Variants in NAV3 observed in about 807,000 individuals in gnomAD.
The protein encoded by NAV3 is pore membrane and/or filament interacting like protein 1.
NAV3 carries 87 observed loss-of-function variants against 244.7 expected under a neutral mutation model. The ratio of observed to expected loss-of-function variants is 0.36; its 90% CI spans 0.30 to 0.42. The LOEUF (loss-of-function observed/expected upper bound fraction) is 0.42. Ranked by LOEUF, NAV3 falls within the 20% of genes least tolerant of loss-of-function variation. The probability of loss-of-function intolerance (pLI) is 1.00; values close to 1 mark genes in which losing one functional copy is unlikely to be tolerated. For synonymous variants in NAV3, 1,126 were observed against 1,042.2 expected (o/e 1.08, Z -1.55); for missense variants, 2,663 against 2,893.3 (o/e 0.92, Z 1.83).
chr12:77,950,904 T>C (rs1890809406), intron 3 of NAV3: 1 of 152,116 alleles, frequency 6.6e-6, no homozygotes, highest in African/African-American at 2.4e-5. Context: ...TTACACCTTA[T>C]ACAAAAATTA....
chr12:77,810,166 T>C (rs1016821442), intron 2 of NAV3, among the ~76,000 whole-genome samples: 14 of 152,218 alleles, frequency 9.2e-5, no homozygotes, highest in African/African-American at 3.4e-4. Flanking sequence ...ATATGTTTGT[T>C]TGTTTGTGTG....
chr12:77,713,994 T>C (rs7342396), intron 2 of NAV3, among the ~76,000 whole-genome samples: 4,119 of 152,258 alleles, frequency 0.027, 182 homozygotes, highest in African/African-American at 0.093. Flanking sequence ...ACATTGAAGA[T>C]ACATTTTCTG....
chr12:78,068,480 T>C (rs1234502298), intron 12 of NAV3, among the ~76,000 whole-genome samples: 1 of 150,646 alleles, frequency 6.6e-6, no homozygotes, highest in African/African-American at 2.4e-5. Context: ...CCATTGCAGA[T>C]TGTCAATAGA....
intron 2 of NAV3, among the ~76,000 whole-genome samples, chr12:77,681,882 A>G (rs961188424): frequency 6.6e-6 from 1 of 152,242 alleles, no homozygotes; most frequent in African/African-American, 2.4e-5. Context: ...TAAAAATGGT[A>G]TACATTTATG....
At position 77,671,999 on chromosome 12, in the gene NAV3, C is replaced by A. The variant is rs139413720; in HGVS notation, c.72+99733C>A. 1.3e-3 allele frequency among the ~76,000 whole-genome samples: 199 copies of A among 152,322 alleles called. 2 individuals carry two copies. The highest frequency in any genetic ancestry group is 4.4e-3 in the African/African-American group (184 of 41,580). ...CAGAGTGGGAGAAAATCTTCACAAT[C>A]TATGCCTCCGACAAAAGACCAATAT... On this transcript the variant is annotated intron_variant, in intron 2 of 8. Coordinates refer to the NAV3 transcript ENST00000550042.
At chr12:77,874,470 C>G (rs556321114) in intron 1 of NAV3, among the ~76,000 whole-genome samples, 4 of 152,086 alleles carry the variant, frequency 2.6e-5, no homozygotes, top group Non-Finnish European at 4.4e-5. Flanking sequence ...CTCAGCCTCT[C>G]AAAGTACTGG....
intron 20 of NAV3, among the ~76,000 whole-genome samples, 170 bp from the exon 21 acceptor site, chr12:78,146,199 C>G (rs75483070): frequency 3.4e-3 from 511 of 152,050 alleles, no homozygotes; most frequent in Non-Finnish European, 4.6e-3. Context: ...ATATAAAATT[C>G]TAAAGTAACT....
intron 2 of NAV3, among the ~76,000 whole-genome samples, chr12:77,679,784 G>T (rs781464608): frequency 3.3e-5 from 5 of 152,138 alleles, no homozygotes; most frequent in Non-Finnish European, 7.3e-5. Flanking sequence ...AAGCAAGAGC[G>T]ATCAACAGTG....
In NAV3 at chr12:78,160,289, C is replaced by T. The variant is rs1372606438; in HGVS notation, c.4869+1003C>T. On this transcript the variant is annotated intron_variant, in intron 23 of 39. Transcript: ENST00000397909. ...GCCTGGTCACCTTTCCTGTGATGAC[C>T]AGTTAGCTTACTTCTCTGCTGTTAG... 2.0e-5 allele frequency among the ~76,000 whole-genome samples: 3 copies of T among 151,828 alleles called. No individual in the cohort carries two copies. In the East Asian group the frequency reaches 5.8e-4, roughly 29 times the overall value.
chr12:78,153,902 A>G (rs1957172374), intron 22 of NAV3, among the ~76,000 whole-genome samples: 1 of 151,638 alleles, frequency 6.6e-6, no homozygotes, highest in Non-Finnish European at 1.5e-5. Flanking sequence ...TGTTTGGACA[A>G]TTTTTTGTAG....
intron 2 of NAV3, among the ~76,000 whole-genome samples, chr12:77,644,533 A>G (rs1034832013): frequency 1.3e-5 from 2 of 152,026 alleles, no homozygotes; most frequent in Admixed American, 1.3e-4. Flanking sequence ...AAAAATATAT[A>G]TGTACATACA....
At chr12:77,664,761 A>T (rs1873639782) in intron 2 of NAV3, among the ~76,000 whole-genome samples, 2 of 152,242 alleles carry the variant, frequency 1.3e-5, no homozygotes, top group Non-Finnish European at 2.9e-5. Context: ...AAAGAAACCA[A>T]GAAAACCTGA....
chr12:77,707,951 G>A (rs1875910093), intron 2 of NAV3, among the ~76,000 whole-genome samples: 1 of 152,100 alleles, frequency 6.6e-6, no homozygotes, highest in Non-Finnish European at 1.5e-5. Context: ...GTAGATTTTG[G>A]ATATTAGCCC....
chr12:78,133,602 TAAA>T (rs1214975313), intron 18 of NAV3, among the ~76,000 whole-genome samples: 1 of 151,896 alleles, frequency 6.6e-6, no homozygotes, highest in African/African-American at 2.4e-5. Flanking sequence ...AATTTTACTA[TAAA>T]AAATCACAAC....
At chr12:78,140,887 T>A (rs1011636564) in intron 20 of NAV3, among the ~76,000 whole-genome samples, 6 of 151,120 alleles carry the variant, frequency 4.0e-5, no homozygotes, top group African/African-American at 1.5e-4. Flanking sequence ...TATTTTATTT[T>A]ATTTATTTAT....
In NAV3 at chr12:77,593,775, C is replaced by T. The variant is rs185327517; in HGVS notation, c.72+21509C>T. 5.9e-4 allele frequency among the ~76,000 whole-genome samples: 90 copies of T among 151,926 alleles called. 1 individual carries two copies. Among genetic ancestry groups the T allele is most frequent in the Admixed American group, 5.8e-3 (89 of 15,270 alleles). On this transcript the variant is annotated intron_variant, in intron 2 of 8. Transcript: ENST00000550042. ...AGGCGTGAGCCACCACGCCCAGCCTCTCCCTTGTGATTTTTAGAGGAGGAG... is the reference window on the plus strand; with the variant it reads ...AGGCGTGAGCCACCACGCCCAGCCTTTCCCTTGTGATTTTTAGAGGAGGAG...
intron 12 of NAV3, among the ~76,000 whole-genome samples, chr12:78,108,739 T>G (rs1954935059): frequency 6.6e-6 from 1 of 151,850 alleles, no homozygotes; most frequent in African/African-American, 2.4e-5. Context: ...AAGCTGAAAA[T>G]CAAAAAATTC....
At chr12:78,054,924 A>T (rs1883263364) in intron 11 of NAV3, among the ~76,000 whole-genome samples, 1 of 152,118 alleles carries the variant, frequency 6.6e-6, no homozygotes, top group South Asian at 2.1e-4. Context: ...CAGGATAGAG[A>T]TCTATTGTAT....
At chr12:77,592,270 G>A (rs1869941381) in intron 2 of NAV3, among the ~76,000 whole-genome samples, 1 of 152,214 alleles carries the variant, frequency 6.6e-6, no homozygotes, top group African/African-American at 2.4e-5. Context: ...AGAGGGCTTT[G>A]CTAAGGCTGC....
Sources: allele counts gnomAD v4.1 joint callset (sites outside exome capture counted in the v4.1 genomes callset), GRCh38; gene constraint gnomAD v4.1.1; transcripts MANE v1.5; gene names NCBI Gene and HGNC (gene_info 2026-07-23, HGNC 2026-07-21).